PTPRT: variants seen among roughly 807,000 people sequenced by gnomAD.
PTPRT encodes the protein receptor-type tyrosine-protein phosphatase T.
PTPRT carries 56 observed loss-of-function variants against 176.8 expected under a neutral mutation model. The ratio of observed to expected loss-of-function variants is 0.32; its 90% CI spans 0.26 to 0.40. The LOEUF (loss-of-function observed/expected upper bound fraction) is 0.40, where lower values mean the gene tolerates loss of function less well. Ranked by LOEUF, PTPRT falls within the 10% of genes least tolerant of loss-of-function variation. The pLI is 1.00. For synonymous variants in PTPRT, 783 were observed against 739.0 expected (o/e 1.06, Z -0.96); for missense variants, 1,540 against 1,908.2 (o/e 0.81, Z 3.60).
intron 7 of PTPRT, among the ~76,000 whole-genome samples, chr20:42,646,477 T>G (rs1463091007): frequency 6.6e-6 from 1 of 152,168 alleles, no homozygotes; most frequent in Admixed American, 6.5e-5. Context: ...TGGCCCTTGA[T>G]GGAAGAAACT....
intron 15 of PTPRT, among the ~76,000 whole-genome samples, chr20:42,218,725 G>A (rs1373897985): frequency 6.6e-6 from 1 of 152,210 alleles, no homozygotes. Flanking sequence ...AGTAGCAGAT[G>A]GCATCTGTCT....
intron 9 of PTPRT, among the ~76,000 whole-genome samples, chr20:42,445,058 C>T (rs1246752276): frequency 2.0e-5 from 3 of 152,240 alleles, no homozygotes; most frequent in Non-Finnish European, 4.4e-5. Flanking sequence ...TCTTGTTAAA[C>T]TGGAGAGGCC....
intron 21 of PTPRT, among the ~76,000 whole-genome samples, chr20:42,116,389 T>C (rs1196440915): frequency 6.6e-6 from 1 of 152,154 alleles, no homozygotes; most frequent in East Asian, 1.9e-4. Flanking sequence ...ACTGGTATAG[T>C]GCAACAGAGC....
At chr20:42,312,038 T>C (rs73273121) in intron 12 of PTPRT, among the ~76,000 whole-genome samples, 2,049 of 152,370 alleles carry the variant, frequency 0.013, 38 homozygotes, top group African/African-American at 0.047. Flanking sequence ...AGTTTTTACA[T>C]TATGCATCTT....
chr20:42,959,073 C>A (rs1981838810), intron 1 of PTPRT, among the ~76,000 whole-genome samples: 1 of 152,076 alleles, frequency 6.6e-6, no homozygotes, highest in African/African-American at 2.4e-5. Context: ...TACTCAATAC[C>A]CTAACCTAAT....
rs116539890 is a variant in PTPRT at position 42,516,381 on chromosome 20, T to C, written c.1154-43819A>G. On this transcript the variant is annotated intron_variant, in intron 7 of 30. Coordinates refer to ENST00000373187, the MANE Select transcript of PTPRT (RefSeq NM_007050.6). ...CCTTTTACCACATATTAGCTGTCCA[T>C]CTTTTGGACACTTATGGAATGACAG... Among the ~76,000 whole-genome samples the C allele has an allele frequency of 4.1e-3, 625 of 152,264 alleles. 4 individuals carry two copies. Among genetic ancestry groups the C allele is most frequent in the African/African-American group, 0.014 (597 of 41,568 alleles).
chr20:42,601,727 T>A (rs186142455), intron 7 of PTPRT, among the ~76,000 whole-genome samples: 1 of 152,330 alleles, frequency 6.6e-6, no homozygotes. Context: ...AATTAATGAA[T>A]ACATCTCAAT....
intron 13 of PTPRT, among the ~76,000 whole-genome samples, chr20:42,274,933 G>C (rs1046447514): frequency 1.3e-5 from 2 of 152,284 alleles, no homozygotes; most frequent in African/African-American, 4.8e-5. Flanking sequence ...ATAGGTAGGA[G>C]ACAGAGCATC....
chr20:42,077,095 C>T lies in PTPRT; in HGVS notation c.*3784G>A, dbSNP rs1353280272. 2 of 182,736 alleles carry T rather than the reference C, an allele frequency of 1.1e-5. No individual in the cohort carries two copies. Among genetic ancestry groups the T allele is most frequent in the African/African-American group, 2.4e-5 (1 of 42,484 alleles). The allele number at this position is 182,736 out of a possible 1,614,324, so 11.3% of individuals were successfully genotyped here. On this transcript the variant is annotated 3_prime_UTR_variant, in exon 31 of 31. Coordinates refer to ENST00000373187, the MANE Select transcript of PTPRT (RefSeq NM_007050.6). ...CAGTAAATGGTGACAATCACAAACC[C>T]TCCTTTAGAATGCTGGAAGAATTTA...
chr20:42,459,135 C>A (rs906877275), intron 8 of PTPRT, among the ~76,000 whole-genome samples: 1 of 152,194 alleles, frequency 6.6e-6, no homozygotes, highest in Non-Finnish European at 1.5e-5. Context: ...AAGGAACCAT[C>A]CTGCTTATTT....
intron 9 of PTPRT, among the ~76,000 whole-genome samples, chr20:42,378,105 T>G (rs2058667529): frequency 6.6e-6 from 1 of 152,142 alleles, no homozygotes. Context: ...AAACCGACAT[T>G]TGATGAAATG....
intron 1 of PTPRT, among the ~76,000 whole-genome samples, chr20:42,899,006 G>A (rs1289309893): frequency 6.6e-6 from 1 of 152,152 alleles, no homozygotes; most frequent in Admixed American, 6.5e-5. Context: ...AACAGCATGG[G>A]AGCAGATGCA....
intron 1 of PTPRT, among the ~76,000 whole-genome samples, chr20:43,037,888 A>G (rs986883817): frequency 6.6e-6 from 1 of 152,060 alleles, no homozygotes; most frequent in African/African-American, 2.4e-5. Flanking sequence ...GTGATATCAT[A>G]CCCTTGTTGG....
intron 7 of PTPRT, among the ~76,000 whole-genome samples, chr20:42,491,193 G>T (rs6016808): frequency 6.6e-6 from 1 of 151,930 alleles, no homozygotes; most frequent in African/African-American, 2.4e-5. Flanking sequence ...ATACATTCAC[G>T]CATGAAATGG....
At chr20:42,614,851 T>C (rs2074039034) in intron 7 of PTPRT, among the ~76,000 whole-genome samples, 1 of 151,776 alleles carries the variant, frequency 6.6e-6, no homozygotes, top group Non-Finnish European at 1.5e-5. Flanking sequence ...AAGTCACATC[T>C]TACGTGGATA....
At chr20:43,060,348 C>T (rs1987405679) in intron 1 of PTPRT, among the ~76,000 whole-genome samples, 1 of 152,176 alleles carries the variant, frequency 6.6e-6, no homozygotes, top group African/African-American at 2.4e-5. Context: ...CTTGCTGTTT[C>T]CTCACATGGT....
At chr20:43,088,333 GGTGTGTGTGT>G (rs67837016) in intron 1 of PTPRT, among the ~76,000 whole-genome samples, 4,584 of 142,802 alleles carry the variant, frequency 0.032, 83 homozygotes, top group South Asian at 0.056. Flanking sequence ...TTTGCTTTGG[GGTGTGTGTGT>G]GTGTGTGTGT....
At chr20:42,772,003 G>GA (rs991801787) in intron 4 of PTPRT, among the ~76,000 whole-genome samples, 1 of 152,176 alleles carries the variant, frequency 6.6e-6, no homozygotes, top group Non-Finnish European at 1.5e-5. Context: ...AAAAATTGGG[G>GA]GGCAGGAGGG....
chr20:42,175,178 T>C (rs1422018425), intron 16 of PTPRT, among the ~76,000 whole-genome samples: 1 of 152,162 alleles, frequency 6.6e-6, no homozygotes, highest in Non-Finnish European at 1.5e-5. Context: ...TCAAACTTTT[T>C]ATTGGATGCC....
Sources: gnomAD v4.1 joint callset for allele counts (sites outside exome capture counted in the v4.1 genomes callset) on GRCh38, gnomAD v4.1.1 for gene constraint, MANE v1.5 for transcripts, NCBI Gene and HGNC (gene_info 2026-07-23, HGNC 2026-07-21) for gene names.